The following GRID1 variants were observed in gnomAD, a reference collection of about 807,000 sequenced individuals.
GRID1 encodes glutamate receptor ionotropic, delta-1.
In GRID1, 28 loss-of-function variants were observed where a neutral mutation model predicts 98.0. That is an observed-to-expected ratio of 0.29 (90% CI 0.21 to 0.39). The LOEUF is 0.39. Ranked by LOEUF, GRID1 falls within the 10% of genes least tolerant of loss-of-function variation. GRID1 has a pLI of 1.00. For synonymous variants in GRID1, 553 were observed against 538.5 expected, an observed-to-expected ratio of 1.03 and a Z score of -0.37; for missense variants, 1,111 against 1,340.5, an observed-to-expected ratio of 0.83 and a Z score of 2.67.
chr10:85,927,517 A>T (rs868322079), intron 4 of GRID1, among the ~76,000 whole-genome samples: 1 of 151,938 alleles, frequency 6.6e-6, no homozygotes. Flanking sequence ...TTGTAAAAAA[A>T]AAAAAAAATC....
intron 12 of GRID1, among the ~76,000 whole-genome samples, chr10:85,659,718 G>T (rs1034528167): frequency 6.6e-6 from 1 of 152,180 alleles, no homozygotes; most frequent in African/African-American, 2.4e-5. Context: ...GGAATTGGGA[G>T]GAGAAGGTGT....
chr10:85,648,251 AGAG>A (rs959973141), intron 12 of GRID1, among the ~76,000 whole-genome samples: 14 of 152,154 alleles, frequency 9.2e-5, no homozygotes, highest in African/African-American at 3.4e-4. Flanking sequence ...AGCTAGGGGC[AGAG>A]GAGGAGACTC....
In GRID1 at chr10:85,865,954, TGGAGAGAGAGAG is replaced by T. The variant is rs1564613304; in HGVS notation, c.951+3044_951+3055del. Among the ~76,000 whole-genome samples, 51 of 54,518 alleles carry T rather than the reference TGGAGAGAGAGAG, an allele frequency of 9.4e-4. 2 individuals are homozygous for T. The highest frequency in any genetic ancestry group is 2.7e-3 in the African/African-American group (35 of 13,006). The allele number at this position is 54,518 out of a possible 152,430, so 35.8% of individuals were successfully genotyped here. ...ATATATATATATATACACATATATATGGAGAGAGAGAGAGAGAGAGAGAGAGAGAGAGAGAGA... is the reference window on the plus strand; with the variant it reads ...ATATATATATATATACACATATATATAGAGAGAGAGAGAGAGAGAGAGAGA... On this transcript the variant is annotated intron_variant, in intron 6 of 15. Transcript: ENST00000327946.
chr10:86,191,232 T>G (rs1412929582), intron 3 of GRID1, among the ~76,000 whole-genome samples: 1 of 152,108 alleles, frequency 6.6e-6, no homozygotes, highest in Non-Finnish European at 1.5e-5. Context: ...AGAGGGCATC[T>G]GTGGAACCCA....
intron 2 of GRID1, among the ~76,000 whole-genome samples, chr10:86,334,291 C>CTGT (rs1848194028): frequency 6.6e-6 from 1 of 152,152 alleles, no homozygotes; most frequent in South Asian, 2.1e-4. Context: ...CCCTCATTTA[C>CTGT]TGCTGCTGCT....
chr10:86,176,944 T>C (rs1255422818), intron 3 of GRID1, among the ~76,000 whole-genome samples: 1 of 152,096 alleles, frequency 6.6e-6, no homozygotes, highest in African/African-American at 2.4e-5. Flanking sequence ...GTGGCAGTGA[T>C]GTCACCAGCC....
At chr10:86,159,529 G>A (rs1845290868) in intron 3 of GRID1, among the ~76,000 whole-genome samples, 1 of 151,668 alleles carries the variant, frequency 6.6e-6, no homozygotes, top group South Asian at 2.1e-4. Flanking sequence ...GTGTATAGGT[G>A]GCTGTACCCT....
rs149517349 is a variant in GRID1, at chr10:86,131,660, A to G, written c.726+7159T>C. On this transcript the variant is annotated intron_variant, in intron 4 of 15. Transcript: ENST00000327946. ...TAGAAACAACAGCCAACCAGAAAAT[A>G]AACACCAGAAAGTCCAGCGGCACTC... Among the ~76,000 whole-genome samples the G allele has an allele frequency of 3.9e-5, 6 of 152,340 alleles. No individual in the cohort carries two copies. The East Asian group carries it at 1.2e-3, about 29-fold the overall frequency.
chr10:86,270,716 A>G (rs1847172891), intron 2 of GRID1, among the ~76,000 whole-genome samples: 1 of 152,024 alleles, frequency 6.6e-6, no homozygotes, highest in Non-Finnish European at 1.5e-5. Flanking sequence ...AATAAAAACA[A>G]TTTGTACTTC....
intron 13 of GRID1, among the ~76,000 whole-genome samples, chr10:85,634,249 C>CTTCT (rs1554860991): frequency 3.2e-5 from 3 of 92,314 alleles, no homozygotes; most frequent in East Asian, 3.4e-4. Context: ...TGATGGGGCA[C>CTTCT]CTCTCTCTCT....
chr10:86,319,569 C>G (rs1205562566), intron 2 of GRID1, among the ~76,000 whole-genome samples: 1 of 152,192 alleles, frequency 6.6e-6, no homozygotes, highest in Non-Finnish European at 1.5e-5. Context: ...CTACCCTCCC[C>G]TCTCCCCCCA....
At chr10:85,843,508 A>G (rs950838793) in intron 8 of GRID1, among the ~76,000 whole-genome samples, 15 of 152,212 alleles carry the variant, frequency 9.9e-5, no homozygotes, top group African/African-American at 3.4e-4. Flanking sequence ...CCAAATACAA[A>G]TTGCAATAAA....
chr10:85,857,346 G>C (rs893660418), intron 6 of GRID1, among the ~76,000 whole-genome samples: 6 of 152,162 alleles, frequency 3.9e-5, no homozygotes, highest in Non-Finnish European at 7.3e-5. Flanking sequence ...CCCATGTGTG[G>C]GGTCCAGGGT....
intron 4 of GRID1, among the ~76,000 whole-genome samples, chr10:86,112,379 G>T (rs1449087806): frequency 1.3e-5 from 2 of 152,182 alleles, no homozygotes; most frequent in Non-Finnish European, 2.9e-5. Flanking sequence ...AGCTGTGAAT[G>T]TCACGTCAAG....
intron 12 of GRID1, among the ~76,000 whole-genome samples, chr10:85,685,216 C>T (rs1159414283): frequency 1.3e-5 from 2 of 151,860 alleles, no homozygotes; most frequent in African/African-American, 4.8e-5. Flanking sequence ...AATTAATAAG[C>T]CTATTCAGAA....
intron 8 of GRID1, among the ~76,000 whole-genome samples, chr10:85,731,167 C>A (rs112572495): frequency 1.1e-4 from 17 of 152,146 alleles, no homozygotes; most frequent in Admixed American, 5.9e-4. Flanking sequence ...AGATGTAAAA[C>A]CATCAGAATA....
intron 2 of GRID1, among the ~76,000 whole-genome samples, chr10:86,247,732 C>T (rs1256899225): frequency 6.6e-6 from 1 of 152,130 alleles, no homozygotes. Flanking sequence ...GGAACAAGCA[C>T]ACTAGACAGA....
rs569332698 is a variant in GRID1, at chr10:85,744,519, T to A, written c.1234-14905A>T. On this transcript the variant is annotated intron_variant, in intron 8 of 15. Coordinates refer to ENST00000327946, the MANE Select transcript of GRID1 (RefSeq NM_017551.3). Reference sequence around the variant, plus strand: ...GTGCTGGGAAAACTGGCTAGCCATATGTAGAAAGCTGAAACTGGATCCCTT... The same window carrying A: ...GTGCTGGGAAAACTGGCTAGCCATAAGTAGAAAGCTGAAACTGGATCCCTT... Among the ~76,000 whole-genome samples the A allele has an allele frequency of 6.6e-4, 95 of 145,002 alleles. 2 individuals carry two copies. In the South Asian group the frequency reaches 0.015, roughly 23 times the overall value.
intron 2 of GRID1, among the ~76,000 whole-genome samples, chr10:86,236,896 A>C (rs1048547631): frequency 2.6e-5 from 4 of 152,138 alleles, no homozygotes; most frequent in Non-Finnish European, 5.9e-5. Flanking sequence ...AGAGAGCAGG[A>C]GGCAGAGTGG....
Sources: gnomAD v4.1 joint callset for allele counts (sites outside exome capture counted in the v4.1 genomes callset) on GRCh38, gnomAD v4.1.1 for gene constraint, MANE v1.5 for transcripts, NCBI Gene and HGNC (gene_info 2026-07-23, HGNC 2026-07-21) for gene names.